NOL11: variants seen among roughly 807,000 people sequenced by gnomAD.
NOL11 encodes the protein nucleolar protein 11.
Under a neutral mutation model 93.0 loss-of-function variants are expected in NOL11, and 42 were observed. The observed-to-expected ratio is 0.45, with a 90% CI of 0.35 to 0.58. NOL11 has a LOEUF of 0.58. NOL11 is among the 20% of genes least tolerant of loss of function. NOL11 has a pLI of 0.00. For missense variants in NOL11, 775 were observed against 841.8 expected (o/e 0.92, Z 0.98); for synonymous variants, 296 against 293.7 (o/e 1.01, Z -0.08).
intron 1 of NOL11, among the ~76,000 whole-genome samples, chr17:67,718,491 G>C (rs1419929378): frequency 1.3e-5 from 2 of 152,060 alleles, no homozygotes; most frequent in East Asian, 3.9e-4. Context: ...TGGTTTAGCC[G>C]TGTCTACACT....
Position 67,721,363 on chromosome 17 carries a change from T to G in NOL11, c.313-15T>G. ...TGTTTTAGAATAAAAATTAAAATTT[T>G]TTATGTTCTTCCAGTTGTCAGCAGA... On this transcript the variant is annotated splice_polypyrimidine_tract_variant and intron_variant, in intron 3 of 17. Coordinates refer to ENST00000253247, the MANE Select transcript of NOL11 (RefSeq NM_015462.5). 1 of 1,494,444 alleles carries G rather than the reference T, an allele frequency of 6.7e-7. No homozygotes were observed. Among genetic ancestry groups the G allele is most frequent in the African/African-American group, 1.4e-5 (1 of 71,138 alleles). 92.6% of individuals were successfully genotyped at this position (1,494,444 alleles called of 1,614,324 possible). A position where few individuals can be genotyped will look rare whatever the true frequency, so the allele number is the denominator to read the frequency against.
chr17:67,738,568 A>T (rs1349799969), intron 14 of NOL11: 8 of 524,884 alleles, frequency 1.5e-5, no homozygotes, highest in Non-Finnish European at 1.7e-5. Flanking sequence ...TGGGTGGCTC[A>T]TGCCTGTAGT....
rs1161020728 is a variant in NOL11 at position 67,722,633 on chromosome 17, A to T, written c.515A>T (p.Glu172Val). 6.4e-7 allele frequency: 1 copy of T among 1,569,118 alleles called. No individual in the cohort carries two copies. The highest frequency in any genetic ancestry group is 8.6e-7 in the Non-Finnish European group (1 of 1,166,852). Residue 172 changes from glutamate to valine, a missense_variant, in exon 5 of 18, where the codon GAA (glutamate) becomes GTA (valine). By Grantham distance (121) the Glu-to-Val change is moderately radical (BLOSUM62 -2). Coordinates refer to ENST00000253247, the MANE Select transcript of NOL11 (RefSeq NM_015462.5). Reference protein sequence around the residue: ...FRHPVLIFITEKHGNYFAYVQ... With the variant: ...FRHPVLIFITVKHGNYFAYVQ... ...CATCCTGTTTTAATTTTTATTACTG[A>T]AAAAGTAAGTGATATCTTCAATTCC...
chr17:67,724,088 C>A lies in NOL11; in HGVS notation c.559C>A (p.Arg187Ser). The A allele has an allele frequency of 6.3e-7, 1 of 1,578,194 alleles. No homozygotes were observed. The highest frequency in any genetic ancestry group is 1.4e-5 in the African/African-American group (1 of 73,030). ...YFAYVQMFNSRILTKYTLLLG... is the reference protein window; with the variant it reads ...YFAYVQMFNSSILTKYTLLLG... Reference sequence around the variant, plus strand: ...TGCTTACGTGCAAATGTTTAACTCACGTATCTTAACCAAATATACACTCTT... The same window carrying A: ...TGCTTACGTGCAAATGTTTAACTCAAGTATCTTAACCAAATATACACTCTT... The change falls in exon 6 of 18, where the codon CGT becomes AGT. Residue 187 changes from arginine to serine, a missense_variant. Transcript: ENST00000253247.
chr17:67,738,824 T>C (rs576416578), intron 14 of NOL11, 108 bp from the exon 15 acceptor site: 1 of 693,822 alleles, frequency 1.4e-6, no homozygotes, highest in East Asian at 2.6e-5. Flanking sequence ...TTTAGAGATG[T>C]AAAACTTTTG....
intron 2 of NOL11, 40 bp downstream of exon 2, chr17:67,719,827 T>C (rs1567797667): frequency 1.4e-6 from 2 of 1,469,880 alleles, no homozygotes; most frequent in Non-Finnish European, 1.9e-6. Flanking sequence ...ACAATATAAA[T>C]GTTGATTATT....
At position 67,739,528 on chromosome 17, in the gene NOL11, T is replaced by C; in HGVS notation, c.1855T>C (p.Tyr619His). The change falls in exon 16 of 18, where the codon TAT (tyrosine) becomes CAT (histidine). Residue 619 changes from tyrosine (Y) to histidine (H), a missense_variant. By Grantham distance (83) the Tyr-to-His change is moderately conservative. Transcript: ENST00000253247. ...TTTTCCCACCCAGCTGTTTCTTAAG[T>C]ATTTGTATTTCCTGTACCTGAAGTG... The part of the protein sequence containing the change: ...PAQHITLFLK[Y>H]LYFLYLKCSE... 6.3e-7 allele frequency: 1 copy of C among 1,584,372 alleles called. No individual in the cohort carries two copies. The highest frequency in any genetic ancestry group is 8.6e-7 in the Non-Finnish European group (1 of 1,168,852).
At chr17:67,739,716 C>T (rs1022192119) in intron 16 of NOL11, 108 bp downstream of exon 16, 16 of 673,186 alleles carry the variant, frequency 2.4e-5, no homozygotes, top group Non-Finnish European at 3.8e-5. Flanking sequence ...TTTCCTAGGC[C>T]GTAGGAATCC....
chr17:67,719,422 G>T (rs1005189049), intron 1 of NOL11: 15 of 256,986 alleles, frequency 5.8e-5, no homozygotes, highest in African/African-American at 3.2e-4. Flanking sequence ...CACCACGCCC[G>T]GCTAATTTTT....
intron 6 of NOL11, 117 bp downstream of exon 6, chr17:67,724,310 C>A: frequency 1.4e-4 from 65 of 472,948 alleles, no homozygotes; most frequent in Non-Finnish European, 2.1e-4. Flanking sequence ...TTCTGTGCTT[C>A]TTTACAGCGT....
chr17:67,743,633 C>T, intron 17 of NOL11, 47 bp downstream of exon 17: 1 of 1,265,590 alleles, frequency 7.9e-7, no homozygotes, highest in Non-Finnish European at 1.1e-6. Flanking sequence ...ACCCAAGTAT[C>T]ACCTGAATTA....
chr17:67,738,505 TGC>T, intron 14 of NOL11, 150 bp downstream of exon 14: 1 of 610,782 alleles, frequency 1.6e-6, no homozygotes, highest in Non-Finnish European at 2.9e-6. Context: ...TTATGTTCAA[TGC>T]TACGTTAAGT....
Position 67,719,763 on chromosome 17 carries a change from G to A in NOL11, c.231G>A (p.Glu77=), listed in dbSNP as rs756936027. 8.7e-6 allele frequency: 14 copies of A among 1,606,460 alleles called. No homozygotes were observed. The highest frequency in any genetic ancestry group is 4.0e-5 in the African/African-American group (3 of 74,738). The change falls in exon 2 of 18, where the codon GAG becomes GAA. Residue 77 remains glutamate, a synonymous_variant. Coordinates refer to ENST00000253247, the MANE Select transcript of NOL11 (RefSeq NM_015462.5). ...CPAVCNFQTG[E]YVVVHDNKVL... ...CTGTGTGCAACTTTCAAACTGGAGA[G>A]TATGTTGTTGTACACGATAATAAGG...
At position 67,742,174 on chromosome 17, in the gene NOL11, C is replaced by T. The variant is rs183350334; in HGVS notation, c.1936-1305C>T. 2.4e-4 allele frequency among the ~76,000 whole-genome samples: 37 copies of T among 152,320 alleles called. 1 individual carries two copies. Among genetic ancestry groups the T allele is most frequent in the African/African-American group, 7.7e-4 (32 of 41,568 alleles). On this transcript the variant is annotated intron_variant, in intron 16 of 17. Transcript: ENST00000253247. ...TCTGAAGAGTTGTGACAACTACCAC[C>T]AGCAAGGTCTGAGGCATTCTTTTTC...
chr17:67,729,639 C>T (rs7222097), intron 7 of NOL11, among the ~76,000 whole-genome samples: 124,214 of 151,884 alleles, frequency 0.82, 51,149 homozygotes, highest in Middle Eastern at 0.89. Context: ...AGTGCAGTTG[C>T]GCAATCTCGG....
intron 7 of NOL11, among the ~76,000 whole-genome samples, chr17:67,730,298 G>A (rs1170344691): frequency 4.0e-5 from 6 of 151,850 alleles, no homozygotes; most frequent in South Asian, 2.1e-4. Context: ...TCGCTCTGTC[G>A]CCCAGAGGCT....
intron 9 of NOL11, 96 bp downstream of exon 9, chr17:67,736,119 T>G: frequency 1.7e-6 from 2 of 1,175,268 alleles, no homozygotes; most frequent in Non-Finnish European, 2.3e-6. Context: ...GTAAAGCTTT[T>G]TCTTAATTTT....
intron 7 of NOL11, among the ~76,000 whole-genome samples, chr17:67,728,001 C>T (rs1160289582): frequency 6.6e-6 from 1 of 151,672 alleles, no homozygotes; most frequent in Non-Finnish European, 1.5e-5. Context: ...TAGCTCATGC[C>T]TGTAATCCCA....
Position 67,727,653 on chromosome 17 carries a change from G to A in NOL11, c.853+1005G>A, listed in dbSNP as rs141106807. On this transcript the variant is annotated intron_variant, in intron 7 of 17. Coordinates refer to ENST00000253247, the MANE Select transcript of NOL11 (RefSeq NM_015462.5). ...GCCTGGGCAACAAGAGCGAAACTCCGTCTCAAAAAAAAAAAAGATAGGAGC... is the reference window on the plus strand; with the variant it reads ...GCCTGGGCAACAAGAGCGAAACTCCATCTCAAAAAAAAAAAAGATAGGAGC... 6.9e-3 allele frequency among the ~76,000 whole-genome samples: 1,028 copies of A among 148,696 alleles called. 8 individuals carry two copies. Among genetic ancestry groups the A allele is most frequent in the African/African-American group, 0.024 (955 of 39,550 alleles).
Sources: gnomAD v4.1 joint callset for allele counts (sites outside exome capture counted in the v4.1 genomes callset) on GRCh38, gnomAD v4.1.1 for gene constraint, MANE v1.5 for transcripts, NCBI Gene and HGNC (gene_info 2026-07-23, HGNC 2026-07-21) for gene names.